ABCA13: variants seen among roughly 807,000 people sequenced by gnomAD.
The protein encoded by ABCA13 is ATP binding cassette subfamily A member 13, also known as ATP-binding cassette sub-family A member 13.
In ABCA13, 476 loss-of-function variants were observed where a neutral mutation model predicts 478.7. That is an observed-to-expected ratio of 0.99 (90% CI 0.92 to 1.07). The LOEUF (loss-of-function observed/expected upper bound fraction) is 1.07. ABCA13 is among the 50% of genes least tolerant of loss of function. The pLI is 0.00. For synonymous variants in ABCA13, 2,252 were observed against 2,158.9 expected (o/e 1.04, Z -1.20); for missense variants, 6,060 against 5,910.6 (o/e 1.03, Z -0.83).
At position 48,211,714 on chromosome 7, in the gene ABCA13, G is replaced by T. The variant is rs867786645; in HGVS notation, c.288-7640G>T. 3.3e-5 allele frequency among the ~76,000 whole-genome samples: 5 copies of T among 152,028 alleles called. No individual in the cohort carries two copies. In the South Asian group the frequency reaches 1.0e-3, roughly 31 times the overall value. ...GCTGGGACTGGGTCCATCCCATCAG[G>T]GCAGCAGATTCTCATCTAGCCTAGA... On this transcript the variant is annotated intron_variant, in intron 3 of 61. Coordinates refer to ENST00000435803, the MANE Select transcript of ABCA13 (RefSeq NM_152701.5).
intron 23 of ABCA13, 78 bp from the exon 24 acceptor site, chr7:48,309,869 G>A: frequency 1.3e-6 from 2 of 1,534,728 alleles, no homozygotes; most frequent in Non-Finnish European, 1.8e-6. Context: ...ACTCCCTGCC[G>A]ATGAAGCTCC....
In ABCA13 at chr7:48,171,459, T is replaced by G. The variant is rs774579654; in HGVS notation, c.-25T>G. 2,222 of 1,535,784 alleles carry G rather than the reference T, an allele frequency of 1.4e-3. 3 individuals carry two copies. The highest frequency in any genetic ancestry group is 1.8e-3 in the Non-Finnish European group (2,060 of 1,146,780). On this transcript the variant is annotated 5_prime_UTR_variant, in exon 1 of 62. Coordinates refer to ENST00000435803, the MANE Select transcript of ABCA13 (RefSeq NM_152701.5). ...GCACCATCCTTACAGGCTGGCTTCC[T>G]GACTGAGAGCAGGGAGCAGCAGGCA...
chr7:48,361,558 T>C (rs111357724), intron 31 of ABCA13, among the ~76,000 whole-genome samples: 5 of 151,966 alleles, frequency 3.3e-5, no homozygotes, highest in African/African-American at 1.2e-4. Context: ...CTTACTTTTC[T>C]GTATCTTCAA....
chr7:48,293,118 G>T (rs1162222221), intron 20 of ABCA13, among the ~76,000 whole-genome samples: 6 of 151,514 alleles, frequency 4.0e-5, no homozygotes, highest in Non-Finnish European at 8.8e-5. Flanking sequence ...TTGTGGTTTG[G>T]TTGAGGCGGT....
intron 55 of ABCA13, among the ~76,000 whole-genome samples, chr7:48,529,440 T>C (rs1011008877): frequency 1.3e-5 from 2 of 152,134 alleles, no homozygotes; most frequent in Admixed American, 6.5e-5. Context: ...TACAGCAAAC[T>C]CATGGTAACT....
At chr7:48,354,551 A>G (rs1391848372) in intron 31 of ABCA13, among the ~76,000 whole-genome samples, 1 of 152,052 alleles carries the variant, frequency 6.6e-6, no homozygotes, top group Non-Finnish European at 1.5e-5. Context: ...ATGTATGAGA[A>G]ACATTCCAGC....
At chr7:48,361,047 G>T (rs1261119910) in intron 31 of ABCA13, among the ~76,000 whole-genome samples, 1 of 150,976 alleles carries the variant, frequency 6.6e-6, no homozygotes, top group East Asian at 1.9e-4. Context: ...AGTGAGCCCA[G>T]ATCATGCCAC....
chr7:48,642,219 C>T (rs1795146565), intron 59 of ABCA13, among the ~76,000 whole-genome samples: 1 of 152,270 alleles, frequency 6.6e-6, no homozygotes, highest in Non-Finnish European at 1.5e-5. Flanking sequence ...CATGGGTGCT[C>T]ACAAGGGTGA....
intron 59 of ABCA13, among the ~76,000 whole-genome samples, chr7:48,619,476 T>C (rs1025259185): frequency 6.6e-6 from 1 of 152,244 alleles, no homozygotes; most frequent in Admixed American, 6.5e-5. Context: ...AAACTGAGGC[T>C]GTTTGCTTCT....
chr7:48,551,772 C>T (rs529370635), intron 55 of ABCA13, among the ~76,000 whole-genome samples: 1 of 151,582 alleles, frequency 6.6e-6, no homozygotes, highest in Admixed American at 6.6e-5. Context: ...TGAGAGATTC[C>T]CTGTCCTGAT....
At chr7:48,260,496 T>G (rs1455241629) in intron 15 of ABCA13, among the ~76,000 whole-genome samples, 2 of 151,982 alleles carry the variant, frequency 1.3e-5, no homozygotes, top group African/African-American at 4.8e-5. Context: ...AGGTTTAGAG[T>G]GCTATGTCTA....
chr7:48,254,231 A>AT (rs572129782), intron 15 of ABCA13, among the ~76,000 whole-genome samples: 3 of 150,646 alleles, frequency 2.0e-5, no homozygotes, highest in East Asian at 2.0e-4. Context: ...TGCTTTTCCT[A>AT]TTTTTTTCCC....
intron 3 of ABCA13, among the ~76,000 whole-genome samples, chr7:48,215,380 G>A (rs1584241884): frequency 6.6e-6 from 1 of 151,944 alleles, no homozygotes; most frequent in African/African-American, 2.4e-5. Flanking sequence ...TGGCATCCCC[G>A]AGCAATTATG....
At chr7:48,412,294 G>GATTTC in intron 40 of ABCA13, 59 bp from the exon 41 acceptor site, 1 of 1,265,862 alleles carries the variant, frequency 7.9e-7, no homozygotes, top group Non-Finnish European at 1.1e-6. Context: ...GAAATCAATT[G>GATTTC]ATGTATATAT....
intron 58 of ABCA13, among the ~76,000 whole-genome samples, chr7:48,611,259 T>G (rs957332122): frequency 6.6e-6 from 1 of 152,176 alleles, no homozygotes; most frequent in African/African-American, 2.4e-5. Flanking sequence ...ACTATCAGCA[T>G]TTTGGTCACA....
chr7:48,570,320 T>C (rs2091474), intron 55 of ABCA13, among the ~76,000 whole-genome samples: 1 of 70,812 alleles, frequency 1.4e-5, no homozygotes, highest in East Asian at 4.6e-4. Flanking sequence ...TTGCATCCTC[T>C]TTTTTTTTTT....
At chr7:48,478,194 T>C (rs3902911) in intron 45 of ABCA13, among the ~76,000 whole-genome samples, 23,492 of 148,034 alleles carry the variant, frequency 0.16, 2,374 homozygotes, top group East Asian at 0.23. Flanking sequence ...ATATAATACA[T>C]AAAATGATAT....
intron 15 of ABCA13, among the ~76,000 whole-genome samples, chr7:48,252,408 A>G (rs527598190): frequency 6.6e-6 from 1 of 152,296 alleles, no homozygotes; most frequent in Non-Finnish European, 1.5e-5. Context: ...TCCATTGTTC[A>G]AACATCATAG....
intron 53 of ABCA13, among the ~76,000 whole-genome samples, chr7:48,521,518 T>C (rs1327305407): frequency 6.6e-6 from 1 of 152,176 alleles, no homozygotes; most frequent in Non-Finnish European, 1.5e-5. Flanking sequence ...CCCTGGAGTC[T>C]GCAGATTTCC....
Sources: gnomAD v4.1 joint callset for allele counts (sites outside exome capture counted in the v4.1 genomes callset) on GRCh38, gnomAD v4.1.1 for gene constraint, MANE v1.5 for transcripts, NCBI Gene and HGNC (gene_info 2026-07-23, HGNC 2026-07-21) for gene names.